Variants in PCDHGA6 observed in about 807,000 individuals in gnomAD.
PCDHGA6 encodes protocadherin gamma subfamily A, 6.
In PCDHGA6, 41 loss-of-function variants were observed where a neutral mutation model predicts 60.6. The ratio of observed to expected loss-of-function variants is 0.68; its 90% CI spans 0.53 to 0.88. PCDHGA6 has a LOEUF of 0.88. PCDHGA6 is among the 40% of genes least tolerant of loss of function. The pLI is 0.00. For synonymous variants in PCDHGA6, 594 were observed against 524.4 expected (o/e 1.13, Z -1.81); for missense variants, 1,312 against 1,203.0 (o/e 1.09, Z -1.34).
intron 1 of PCDHGA6, among the ~76,000 whole-genome samples, chr5:141,465,502 G>T (rs948827391): frequency 6.6e-6 from 1 of 152,152 alleles, no homozygotes; most frequent in Non-Finnish European, 1.5e-5. Flanking sequence ...GAGCATTGTC[G>T]TGGTCAGGAA....
chr5:141,477,180 C>T lies in PCDHGA6; in HGVS notation c.2425-17627C>T. On this transcript the variant is annotated intron_variant, in intron 1 of 3. Coordinates refer to ENST00000517434, the MANE Select transcript of PCDHGA6 (RefSeq NM_018919.3). This position sits in a 1 kb window ranked among gnomAD's most constrained non-coding sequence, Gnocchi z 4.9. ...GACAACGCCCCGGAGATCACAGTCA[C>T]CTCCGTGTACAGCCCAGTACCCGAG... 1 of 1,614,196 alleles carries T rather than the reference C, an allele frequency of 6.2e-7. No homozygotes were observed. The highest frequency in any genetic ancestry group is 8.5e-7 in the Non-Finnish European group (1 of 1,180,032).
rs200765071 is a variant in PCDHGA6 at position 141,374,360 on chromosome 5, G to A, written c.277G>A (p.Glu93Lys). 304 of 1,613,908 alleles carry A rather than the reference G, an allele frequency of 1.9e-4. No homozygotes were observed. The highest frequency in any genetic ancestry group is 4.2e-4 in the Admixed American group (25 of 60,006). Residue 93 changes from glutamate to lysine, a missense_variant, in exon 1 of 4, where the codon GAG (glutamate) becomes AAG (lysine). Physicochemically the swap from Glu to Lys is moderately conservative, Grantham distance 56 (BLOSUM62 1). Transcript: ENST00000517434. ...SLVTAGRIDR[E>K]ELCAQSPRCL... is the part of the protein sequence containing the mutation. ...GGTCACCGCGGGTAGGATAGACCGC[G>A]AGGAGCTCTGTGCTCAGAGCCCGCG...
At chr5:141,421,185 C>T in intron 1 of PCDHGA6, 1 of 1,463,494 alleles carries the variant, frequency 6.8e-7, no homozygotes, top group Non-Finnish European at 9.1e-7. Flanking sequence ...GATTCACAAC[C>T]AACCAGCTCG....
chr5:141,499,582 T>C (rs952280239), intron 2 of PCDHGA6, among the ~76,000 whole-genome samples: 7 of 152,164 alleles, frequency 4.6e-5, no homozygotes, highest in African/African-American at 7.2e-5. Flanking sequence ...TAATGCCTTA[T>C]CTTGTTTCAC....
chr5:141,413,322 G>A, intron 1 of PCDHGA6: 2 of 1,613,940 alleles, frequency 1.2e-6, no homozygotes, highest in Non-Finnish European at 1.7e-6. Flanking sequence ...GCTCTTTCGT[G>A]GGCAACATCT....
chr5:141,454,842 C>T lies in PCDHGA6; in HGVS notation c.2425-39965C>T, dbSNP rs543795114. 1.2e-4 allele frequency among the ~76,000 whole-genome samples: 12 copies of T among 101,680 alleles called. No homozygotes were observed. The East Asian group carries it at 3.9e-3, about 33-fold the overall frequency. 66.7% of individuals were successfully genotyped at this position (101,680 alleles called of 152,430 possible). ...TTTTTTTTTGAGACAGAGTCGCGCTCTGTCACCCAGGCTGGAGTGCAGTGG... is the reference window on the plus strand; with the variant it reads ...TTTTTTTTTGAGACAGAGTCGCGCTTTGTCACCCAGGCTGGAGTGCAGTGG... On this transcript the variant is annotated intron_variant, in intron 1 of 3. Coordinates refer to ENST00000517434, the MANE Select transcript of PCDHGA6 (RefSeq NM_018919.3).
chr5:141,480,102 T>C (rs568342271), intron 1 of PCDHGA6, among the ~76,000 whole-genome samples: 1 of 152,320 alleles, frequency 6.6e-6, no homozygotes, highest in South Asian at 2.1e-4. Flanking sequence ...GCAAAGTGTT[T>C]AGCATGGTGC....
At chr5:141,509,153 C>G (rs2099875485) in intron 3 of PCDHGA6, among the ~76,000 whole-genome samples, 2 of 152,190 alleles carry the variant, frequency 1.3e-5, no homozygotes, top group Non-Finnish European at 2.9e-5. Context: ...CGGCTCTCCC[C>G]TCCCGTGTGC....
In PCDHGA6 at chr5:141,511,330, T is replaced by C; in HGVS notation, c.*157T>C. 1 of 1,455,994 alleles carries C rather than the reference T, an allele frequency of 6.9e-7. No homozygotes were observed. The highest frequency in any genetic ancestry group is 9.1e-7 in the Non-Finnish European group (1 of 1,093,254). 90.2% of individuals were successfully genotyped at this position (1,455,994 alleles called of 1,614,324 possible). ...TTGGGAAACAGAAACAAGTGCCCAG[T>C]CAGCACCTACCCCTTCCCCCCCAGG... On this transcript the variant is annotated 3_prime_UTR_variant, in exon 4 of 4. Coordinates refer to ENST00000517434, the MANE Select transcript of PCDHGA6 (RefSeq NM_018919.3).
At chr5:141,470,734 G>C (rs970003510) in intron 1 of PCDHGA6, among the ~76,000 whole-genome samples, 1 of 152,128 alleles carries the variant, frequency 6.6e-6, no homozygotes, top group South Asian at 2.1e-4. Context: ...GTCTTGCTCT[G>C]TCGCCCTGGC....
intron 1 of PCDHGA6, chr5:141,479,646 A>G (rs2099501987): frequency 6.6e-6 from 1 of 152,256 alleles, no homozygotes; most frequent in Admixed American, 6.5e-5. Context: ...CAACAACAAC[A>G]ACAACAATCC....
chr5:141,418,277 T>G, intron 1 of PCDHGA6: 2 of 1,614,026 alleles, frequency 1.2e-6, no homozygotes, highest in Non-Finnish European at 1.7e-6. Flanking sequence ...TGAAATAAAC[T>G]TAGAAATCAG....
chr5:141,487,689 A>G lies in PCDHGA6; in HGVS notation c.2425-7118A>G. 6.2e-7 allele frequency: 1 copy of G among 1,605,144 alleles called. No homozygotes were observed. The highest frequency in any genetic ancestry group is 1.7e-4 in the Middle Eastern group (1 of 6,050). ...GGCATATGGCTAGGCCATGTCCTAG[A>G]GAGTACTGGCCTCTCAGTAAGTGCC... On this transcript the variant is annotated intron_variant, in intron 1 of 3. Coordinates refer to ENST00000517434, the MANE Select transcript of PCDHGA6 (RefSeq NM_018919.3). This position sits in a 1 kb window ranked among gnomAD's most constrained non-coding sequence, Gnocchi z 5.0.
intron 1 of PCDHGA6, chr5:141,394,054 AT>A: frequency 6.2e-7 from 1 of 1,613,802 alleles, no homozygotes; most frequent in Non-Finnish European, 8.5e-7. Flanking sequence ...GACCGAGAAA[AT>A]GTCTCTATCT....
rs770788893 is a variant in PCDHGA6 at position 141,403,151 on chromosome 5, G to T, written c.2424+26644G>T. On this transcript the variant is annotated intron_variant, in intron 1 of 3. Coordinates refer to ENST00000517434, the MANE Select transcript of PCDHGA6 (RefSeq NM_018919.3). ...GCTGGCGGAGCGCCGAGTCCGCATC[G>T]TCTCTAGAGGTAGGACGCAGCTTTT... 1.3e-5 allele frequency: 21 copies of T among 1,613,914 alleles called. No individual in the cohort carries two copies. In the Admixed American group the frequency reaches 3.5e-4, roughly 27 times the overall value.
chr5:141,441,627 G>C (rs1239011684), intron 1 of PCDHGA6: 1 of 223,512 alleles, frequency 4.5e-6, no homozygotes, highest in Non-Finnish European at 9.0e-6. Context: ...CAGTGACCTG[G>C]AGCCACAGGC....
intron 1 of PCDHGA6, chr5:141,427,807 A>C (rs1443881781): frequency 6.6e-7 from 1 of 1,522,050 alleles, no homozygotes; most frequent in South Asian, 1.1e-5. Flanking sequence ...GTGAGCGCAC[A>C]GAGCGGGGTG....
chr5:141,465,759 A>G (rs2099108647), intron 1 of PCDHGA6, among the ~76,000 whole-genome samples: 2 of 151,280 alleles, frequency 1.3e-5, no homozygotes, highest in South Asian at 4.2e-4. Context: ...TGGTAAAGTC[A>G]TGTTTCATCT....
Position 141,489,640 on chromosome 5 carries a change from G to A in PCDHGA6, c.2425-5167G>A. The A allele has an allele frequency of 1.2e-6, 2 of 1,614,146 alleles. No individual in the cohort carries two copies. Among genetic ancestry groups the A allele is most frequent in the Non-Finnish European group, 1.7e-6 (2 of 1,180,010 alleles). Reference sequence around the variant, plus strand: ...TCTCAATGACAACTCTCCTAGCTTTGCCACCCCTGAGCGAGAGATGCGCAT... The same window carrying A: ...TCTCAATGACAACTCTCCTAGCTTTACCACCCCTGAGCGAGAGATGCGCAT... On this transcript the variant is annotated intron_variant, in intron 1 of 3. Transcript: ENST00000517434. The surrounding 1 kb of genome is among the most constrained non-coding windows in gnomAD (Gnocchi z 4.5).
Sources: gnomAD v4.1 joint callset for allele counts (sites outside exome capture counted in the v4.1 genomes callset) on GRCh38, gnomAD v4.1.1 for gene constraint, Gnocchi (gnomAD v3.1) non-coding constraint, MANE v1.5 for transcripts, NCBI Gene and HGNC (gene_info 2026-07-23, HGNC 2026-07-21) for gene names.